ZFYVE26: variants seen among roughly 807,000 people sequenced by gnomAD.
The protein encoded by ZFYVE26 is zinc finger FYVE-type containing 26, also known as zinc finger FYVE domain-containing protein 26.
ZFYVE26 carries 181 observed loss-of-function variants against 276.5 expected under a neutral mutation model. The observed-to-expected ratio is 0.65, with a 90% CI of 0.58 to 0.74. The LOEUF is 0.74. Among genes scored for constraint, ZFYVE26 ranks in the 30% least tolerant of loss-of-function variants. The pLI is 0.00. For missense variants in ZFYVE26, 2,821 were observed against 3,097.9 expected (o/e 0.91, Z 2.12); for synonymous variants, 1,129 against 1,203.1 (o/e 0.94, Z 1.27).
chr14:67,772,555 C>A (rs188635068), intron 27 of ZFYVE26, among the ~76,000 whole-genome samples: 1 of 152,090 alleles, frequency 6.6e-6, no homozygotes, highest in Non-Finnish European at 1.5e-5. Context: ...TGGGAAGCTC[C>A]GGGGAACAAA....
chr14:67,753,355 G>A (rs1263532500), intron 39 of ZFYVE26, among the ~76,000 whole-genome samples: 6 of 152,184 alleles, frequency 3.9e-5, no homozygotes. Context: ...CAAGGATGGG[G>A]AACAGCCCTT....
chr14:67,737,866 T>C (rs2038370307), intron 13 of ZFYVE26, among the ~76,000 whole-genome samples: 2 of 152,126 alleles, frequency 1.3e-5, no homozygotes, highest in African/African-American at 4.8e-5. Context: ...CTCAACTTAT[T>C]ATCATATAAA....
At chr14:67,745,306 G>GA (rs2038468407), downstream of ZFYVE26, among the ~76,000 whole-genome samples, 1 of 152,094 alleles carries the variant, frequency 6.6e-6, no homozygotes, top group South Asian at 2.1e-4. Context: ...CTGGATATTA[G>GA]ACCTTTGTCA....
At chr14:67,729,289 C>G (rs943754830) in exon 14 of ZFYVE26, 1 of 1,604,550 alleles carries the variant, frequency 6.2e-7, no homozygotes, top group Non-Finnish European at 8.5e-7. Context: ...GCTCTTCTCC[C>G]CCTTTGTCAA....
In ZFYVE26 at chr14:67,753,962, G is replaced by A. The variant is rs111720481; in HGVS notation, c.7128+109C>T. 17 of 1,571,242 alleles carry A rather than the reference G, an allele frequency of 1.1e-5. No homozygotes were observed. The African/African-American group carries it at 1.9e-4, about 17-fold the overall frequency. ...CTTTGGTGGCTCATATTCTAGTGGG[G>A]AGGCAGCCATCAAACAAACAACTGA... is the stretch of plus-strand genomic sequence containing the variant. On this transcript the variant is annotated intron_variant, in intron 38 of 41. Coordinates refer to ENST00000347230, the MANE Select transcript of ZFYVE26 (RefSeq NM_015346.4).
chr14:67,772,124 G>C lies in ZFYVE26; in HGVS notation c.5407C>G (p.Pro1803Ala). Residue 1803 changes from proline to alanine, a missense_variant, in exon 28 of 42, where the codon CCC (proline) becomes GCC (alanine). By Grantham distance (27) the Pro-to-Ala change is conservative (BLOSUM62 -1). Transcript: ENST00000347230. ...GGTACCCACTGGTGCCTGGCAGGGG[G>C]TGTCGCTGGGGGCACAAATTCCTGT... ...PSQEFVPPATPPARHQWVPDE... is the reference protein window; with the variant it reads ...PSQEFVPPATAPARHQWVPDE... 6.2e-7 allele frequency: 1 copy of C among 1,613,076 alleles called. No homozygotes were observed. The highest frequency in any genetic ancestry group is 8.5e-7 in the Non-Finnish European group (1 of 1,179,792).
In ZFYVE26 at chr14:67,768,534, G is replaced by A. The variant is rs757291996; in HGVS notation, c.5636C>T (p.Pro1879Leu). ...GGCCTTACCTTCTGGTTTTTCTGAAGGCTCCTCTGGTACACTGAAAACAGA... is the reference window on the plus strand; with the variant it reads ...GGCCTTACCTTCTGGTTTTTCTGAAAGCTCCTCTGGTACACTGAAAACAGA... ...SYCNKDVPEE[P>L]SEKPEALDSS... Residue 1879 changes from proline (P) to leucine (L), a missense_variant, in exon 30 of 42, where the codon CCT (proline) becomes CTT (leucine). Physicochemically the swap from Pro to Leu is moderately conservative, Grantham distance 98. Transcript: ENST00000347230. 5.6e-6 allele frequency: 9 copies of A among 1,614,138 alleles called. No homozygotes were observed. The Admixed American group carries it at 1.5e-4, about 27-fold the overall frequency.
At chr14:67,815,612 G>T in intron 2 of ZFYVE26, 158 bp downstream of exon 2, 1 of 739,826 alleles carries the variant, frequency 1.4e-6, no homozygotes, top group Non-Finnish European at 2.4e-6. Flanking sequence ...AGTAATGGAT[G>T]TATACTATAG....
intron 8 of ZFYVE26, among the ~76,000 whole-genome samples, chr14:67,804,776 C>T (rs1447405682): frequency 6.6e-6 from 1 of 152,186 alleles, no homozygotes; most frequent in Non-Finnish European, 1.5e-5. Context: ...TAACGTAAGA[C>T]TAAGAATGTG....
In ZFYVE26 at chr14:67,785,117, G is replaced by A; in HGVS notation, c.3465C>T (p.Phe1155=). 6.2e-7 allele frequency: 1 copy of A among 1,614,230 alleles called. No individual in the cohort carries two copies. Among genetic ancestry groups the A allele is most frequent in the Non-Finnish European group, 8.5e-7 (1 of 1,180,048 alleles). ...CAGCAAGGGTGCTGCAGTAACTGAA[G>A]AAGGTGCCCAAGTAGTCCATCTGCC... ...GSRQMDYLGT[F]FSYCSTLAAV... Residue 1155 remains phenylalanine (F), a synonymous_variant, in exon 19 of 42, where the codon TTC becomes TTT. Transcript: ENST00000347230.
chr14:67,786,569 T>C (rs543125639), intron 16 of ZFYVE26, among the ~76,000 whole-genome samples: 19 of 152,362 alleles, frequency 1.2e-4, no homozygotes, highest in African/African-American at 4.3e-4. Context: ...ATGTCTTCTT[T>C]AATTGCTTTA....
At position 67,748,445 on chromosome 14, in the gene ZFYVE26, G is replaced by T; in HGVS notation, c.7611C>A (p.Ser2537=). ...GCCCCACTGCCCAAGGTCACTTCCT[G>T]GAGCCTGGGCCATGGGCACCCCGGG... is the stretch of plus-strand genomic sequence containing the variant. The part of the protein sequence containing the change: ...SHPRGAHGPG[S]RK Residue 2537 remains serine (S), a synonymous_variant, in exon 42 of 42, where the codon TCC becomes TCA. Coordinates refer to ENST00000347230, the MANE Select transcript of ZFYVE26 (RefSeq NM_015346.4). 1 of 1,612,156 alleles carries T rather than the reference G, an allele frequency of 6.2e-7. No homozygotes were observed. Among genetic ancestry groups the T allele is most frequent in the Middle Eastern group, 2.1e-4 (1 of 4,714 alleles).
At chr14:67,814,093 A>C (rs1395550463) in intron 2 of ZFYVE26, 29 bp from the exon 3 acceptor site, 21 of 1,559,302 alleles carry the variant, frequency 1.3e-5, no homozygotes, top group Admixed American at 1.7e-5. Context: ...AAGACTTGTA[A>C]AAAAGAGTTT....
chr14:67,761,531 C>T lies in ZFYVE26; in HGVS notation c.6423G>A (p.Thr2141=), dbSNP rs142448052. 2.4e-5 allele frequency: 38 copies of T among 1,614,064 alleles called. No homozygotes were observed. The highest frequency in any genetic ancestry group is 8.3e-5 in the Admixed American group (5 of 59,996). The change falls in exon 35 of 42, where the codon ACG becomes ACA. Residue 2141 remains threonine, a synonymous_variant. Coordinates refer to ENST00000347230, the MANE Select transcript of ZFYVE26 (RefSeq NM_015346.4). ...GAATCACTGCCAGAGAAAGGCTCTG[C>T]GTCCGAAGGGTAGCTTCCAGTTCCC... ...TLRELEATLR[T]QSLSLAVIPE...
At chr14:67,779,946 A>C (rs1487865670) in intron 23 of ZFYVE26, among the ~76,000 whole-genome samples, 1 of 151,968 alleles carries the variant, frequency 6.6e-6, no homozygotes, top group Non-Finnish European at 1.5e-5. Flanking sequence ...ATCTCGGCTC[A>C]CTGCAAGCTC....
At chr14:67,799,219 A>G (rs2040029635) in intron 10 of ZFYVE26, 1 of 1,613,008 alleles carries the variant, frequency 6.2e-7, no homozygotes, top group African/African-American at 1.3e-5. Flanking sequence ...CTGATATTAA[A>G]CAGGCCTATC....
rs10288 is a variant in ZFYVE26, at chr14:67,747,027, G to A, written c.*1409C>T. 145,323 of 152,686 alleles carry A rather than the reference G, an allele frequency of 0.95. 69,494 individuals carry two copies. Among genetic ancestry groups the A allele is most frequent in the East Asian group, 1 (5,180 of 5,180 alleles). The allele number at this position is 152,686 out of a possible 1,614,324, so 9.5% of individuals were successfully genotyped here. On this transcript the variant is annotated 3_prime_UTR_variant, in exon 42 of 42. Coordinates refer to ENST00000347230, the MANE Select transcript of ZFYVE26 (RefSeq NM_015346.4). ...TCAGAGGGAAATCCACAGGGTTTCTGAGCACCAGAGACACTGACTTCAGCT... is the reference window on the plus strand; with the variant it reads ...TCAGAGGGAAATCCACAGGGTTTCTAAGCACCAGAGACACTGACTTCAGCT...
intron 14 of ZFYVE26, 45 bp from the exon 15 acceptor site, chr14:67,790,818 T>C (rs754263882): frequency 1.3e-6 from 2 of 1,559,362 alleles, no homozygotes; most frequent in Admixed American, 1.7e-5. Flanking sequence ...GTCCCACTGA[T>C]TTAGGGAATG....
At chr14:67,770,200 A>C in intron 28 of ZFYVE26, 1 of 236,102 alleles carries the variant, frequency 4.2e-6, no homozygotes, top group Non-Finnish European at 8.4e-6. Flanking sequence ...GCGGTGGTTC[A>C]CGCCTATAAT....
Sources: gnomAD v4.1 joint callset for allele counts (sites outside exome capture counted in the v4.1 genomes callset) on GRCh38, gnomAD v4.1.1 for gene constraint, MANE v1.5 for transcripts, NCBI Gene and HGNC (gene_info 2026-07-23, HGNC 2026-07-21) for gene names.